Variants in NAALADL2 observed in about 807,000 individuals in gnomAD.
The protein encoded by NAALADL2 is N-acetylated alpha-linked acidic dipeptidase like 2, also known as inactive N-acetylated-alpha-linked acidic dipeptidase-like protein 2.
In NAALADL2, 76 loss-of-function variants were observed where a neutral mutation model predicts 87.2. That is an observed-to-expected ratio of 0.87 (90% confidence interval 0.72 to 1.05). NAALADL2 has a LOEUF of 1.05. NAALADL2 is among the 50% of genes least tolerant of loss of function. NAALADL2 has a pLI of 0.00. For synonymous variants in NAALADL2, 354 were observed against 331.0 expected (o/e 1.07, Z -0.75); for missense variants, 1,089 against 945.8 (o/e 1.15, Z -1.99).
At chr3:174,858,169 AAATATAT>A (rs575256162), upstream of NAALADL2, among the ~76,000 whole-genome samples, 99 of 148,066 alleles carry the variant, frequency 6.7e-4, no homozygotes, top group African/African-American at 2.4e-3. Flanking sequence ...TTACAATATT[AAATATAT>A]AATATATAAT....
intron 4 of NAALADL2, among the ~76,000 whole-genome samples, chr3:175,280,199 ATTC>A (rs1036659177): frequency 6.6e-6 from 1 of 151,956 alleles, no homozygotes; most frequent in African/African-American, 2.4e-5. Flanking sequence ...CCAAGTTTCT[ATTC>A]TTTCTAGTTC....
intron 6 of NAALADL2, among the ~76,000 whole-genome samples, chr3:175,455,475 G>T (rs1248307290): frequency 6.6e-6 from 1 of 152,006 alleles, no homozygotes; most frequent in Non-Finnish European, 1.5e-5. Flanking sequence ...GGGATACAAA[G>T]AGAGTAAAAG....
chr3:174,624,411 G>T (rs894754011), intron 2 of NAALADL2, among the ~76,000 whole-genome samples: 6 of 152,054 alleles, frequency 3.9e-5, no homozygotes, highest in Admixed American at 3.9e-4. Context: ...ATCATTTGAG[G>T]TTAGGAGTTC....
chr3:175,022,328 T>TAA (rs1324182976), intron 1 of NAALADL2, among the ~76,000 whole-genome samples: 1 of 152,016 alleles, frequency 6.6e-6, no homozygotes, highest in Non-Finnish European at 1.5e-5. Context: ...TATTGCTGGG[T>TAA]CCGGGGCTCT....
chr3:175,576,299 C>A, intron 10 of NAALADL2, 112 bp downstream of exon 10: 1 of 961,654 alleles, frequency 1.0e-6, no homozygotes, highest in Non-Finnish European at 1.5e-6. Context: ...TATAGAAAAG[C>A]GGCTTCATTT....
At chr3:174,726,400 C>T (rs1191455658) in intron 2 of NAALADL2, among the ~76,000 whole-genome samples, 2 of 152,138 alleles carry the variant, frequency 1.3e-5, no homozygotes, top group South Asian at 2.1e-4. Context: ...GGGCATACAA[C>T]AACCTGTCAT....
At chr3:175,355,513 G>T (rs1764267869) in intron 5 of NAALADL2, among the ~76,000 whole-genome samples, 1 of 152,142 alleles carries the variant, frequency 6.6e-6, no homozygotes, top group Admixed American at 6.5e-5. Context: ...ATTGCGCTCA[G>T]GCTGGCTGAA....
At chr3:175,493,748 C>T (rs1253986701) in intron 9 of NAALADL2, among the ~76,000 whole-genome samples, 2 of 152,122 alleles carry the variant, frequency 1.3e-5, no homozygotes, top group Admixed American at 6.6e-5. Context: ...TTTTTTCAAT[C>T]TGCTAGTACA....
intron 1 of NAALADL2, among the ~76,000 whole-genome samples, chr3:174,967,269 G>A (rs1337001700): frequency 6.6e-6 from 1 of 151,076 alleles, no homozygotes; most frequent in African/African-American, 2.4e-5. Flanking sequence ...AATAGGATAA[G>A]CATAAATGAA....
chr3:175,542,823 A>G (rs1309074923), intron 9 of NAALADL2, among the ~76,000 whole-genome samples: 1 of 152,216 alleles, frequency 6.6e-6, no homozygotes, highest in Non-Finnish European at 1.5e-5. Flanking sequence ...TGATAAGCCA[A>G]TTCAATTCAC....
chr3:174,831,661 T>A lies in NAALADL2; in HGVS notation c.-9+93915T>A, dbSNP rs1258500343. The stretch of plus-strand genomic sequence containing the variant: ...GAGGATTCCCTCGTTTTCTATTGAT[T>A]GGAATAGTTTCAGAAGGAATGGTAC... On this transcript the variant is annotated intron_variant, in intron 3 of 3. Coordinates refer to the NAALADL2 transcript ENST00000434257. Among the ~76,000 whole-genome samples, 358 of 151,108 alleles carry A rather than the reference T, an allele frequency of 2.4e-3. 1 individual carries two copies. The highest frequency in any genetic ancestry group is 3.8e-3 in the Non-Finnish European group (257 of 67,602).
At chr3:174,831,152 G>A (rs1722633891) in intron 3 of NAALADL2, among the ~76,000 whole-genome samples, 1 of 151,994 alleles carries the variant, frequency 6.6e-6, no homozygotes, top group Non-Finnish European at 1.5e-5. Flanking sequence ...ATGTTGAATA[G>A]GAGTGGTGAG....
At chr3:174,536,719 G>A (rs1274630756) in intron 1 of NAALADL2, 1 of 152,010 alleles carries the variant, frequency 6.6e-6, no homozygotes, top group Non-Finnish European at 1.5e-5. Flanking sequence ...ATAAATATTT[G>A]TAAAGCTGTT....
chr3:175,064,214 A>G (rs116355537), intron 1 of NAALADL2, among the ~76,000 whole-genome samples: 2,087 of 150,702 alleles, frequency 0.014, 47 homozygotes, highest in African/African-American at 0.049. Context: ...GAGATTTGCC[A>G]TGAAGAAAAT....
chr3:175,479,062 T>C (rs1726099310), intron 9 of NAALADL2, among the ~76,000 whole-genome samples: 1 of 151,818 alleles, frequency 6.6e-6, no homozygotes, highest in African/African-American at 2.4e-5. Flanking sequence ...CTGAACAAAA[T>C]AATAACCGTC....
intron 2 of NAALADL2, among the ~76,000 whole-genome samples, chr3:175,128,037 A>G (rs1727233753): frequency 6.6e-6 from 1 of 152,194 alleles, no homozygotes; most frequent in Non-Finnish European, 1.5e-5. Context: ...TACAAAACAC[A>G]TGAATAGAAA....
chr3:175,341,018 T>C (rs7640409), intron 5 of NAALADL2, among the ~76,000 whole-genome samples: 4,025 of 152,074 alleles, frequency 0.026, 166 homozygotes, highest in African/African-American at 0.093. Flanking sequence ...TTTAATGAGA[T>C]ATGATTCACA....
chr3:174,723,152 T>C (rs1193114618), intron 2 of NAALADL2, among the ~76,000 whole-genome samples: 1 of 152,212 alleles, frequency 6.6e-6, no homozygotes, highest in Non-Finnish European at 1.5e-5. Context: ...GGAAATTGAA[T>C]GGACATCATA....
intron 2 of NAALADL2, among the ~76,000 whole-genome samples, chr3:174,583,331 T>G (rs1716368991): frequency 6.6e-6 from 1 of 152,236 alleles, no homozygotes; most frequent in Non-Finnish European, 1.5e-5. Flanking sequence ...CCATGCCATT[T>G]TTAGTTTATG....
Sources: gnomAD v4.1 joint callset for allele counts (sites outside exome capture counted in the v4.1 genomes callset) on GRCh38, gnomAD v4.1.1 for gene constraint, MANE v1.5 for transcripts, NCBI Gene and HGNC (gene_info 2026-07-23, HGNC 2026-07-21) for gene names.